Variants in BICC1 observed in about 807,000 individuals in gnomAD.
The protein encoded by BICC1 is BicC family RNA binding protein 1.
A neutral mutation model predicts 111.0 loss-of-function variants in BICC1; 43 were observed. That is an observed-to-expected ratio of 0.39 (90% CI 0.30 to 0.50). The LOEUF (loss-of-function observed/expected upper bound fraction) is 0.50. Ranked by LOEUF, BICC1 falls within the 20% of genes least tolerant of loss-of-function variation. The pLI is 0.88. For missense variants in BICC1, 1,091 were observed against 1,203.2 expected (o/e 0.91, Z 1.38); for synonymous variants, 467 against 434.4 (o/e 1.07, Z -0.93).
In BICC1 at chr10:58,513,053, C is replaced by G. The variant is rs1480452495; in HGVS notation, c.-91C>G. The G allele has an allele frequency of 9.6e-7, 1 of 1,044,962 alleles. No individual in the cohort carries two copies. Among genetic ancestry groups the G allele is most frequent in the African/African-American group, 1.7e-5 (1 of 59,206 alleles). 64.7% of individuals were successfully genotyped at this position (1,044,962 alleles called of 1,614,324 possible). ...AGGGGGACGAGCTAGCGCCGCGGCG[C>G]TGGGAGCCAGTTGAGCCCGGCCGGC... is the stretch of plus-strand genomic sequence containing the variant. On this transcript the variant is annotated 5_prime_UTR_variant, in exon 1 of 21. Coordinates refer to ENST00000373886, the MANE Select transcript of BICC1 (RefSeq NM_001080512.3).
rs1313423047 is a variant in BICC1 at position 58,786,934 on chromosome 10, C to T, written c.399C>T (p.Val133=). 1.3e-6 allele frequency: 2 copies of T among 1,582,064 alleles called. No homozygotes were observed. The highest frequency in any genetic ancestry group is 4.7e-5 in the East Asian group (2 of 42,998). The change falls in exon 5 of 21, where the codon GTC becomes GTT. Residue 133 remains valine (V), a synonymous_variant. Transcript: ENST00000373886. ...TTATTTTCACATAGAGCAATCGAGT[C>T]ACACTGAAGATGGATGTTTCACATA... ...MSVLDTKSNR[V]TLKMDVSHTE... is the part of the protein sequence containing the mutation.
chr10:58,659,901 GTTATTA>G lies in BICC1; in HGVS notation c.237+39008_237+39013del, dbSNP rs549139278. 1.8e-4 allele frequency among the ~76,000 whole-genome samples: 27 copies of G among 152,256 alleles called. No individual in the cohort carries two copies. In the East Asian group the frequency reaches 2.5e-3, roughly 14 times the overall value. Reference sequence around the variant, plus strand: ...GCAACAAAGTAACAGTACTAATACTGTTATTATTATTATACTGTGCTGACATGTAGT... The same window carrying G: ...GCAACAAAGTAACAGTACTAATACTGTTATTATACTGTGCTGACATGTAGT... On this transcript the variant is annotated intron_variant, in intron 2 of 20. Coordinates refer to ENST00000373886, the MANE Select transcript of BICC1 (RefSeq NM_001080512.3).
chr10:58,828,511 T>C (rs1441032976), intron 20 of BICC1, among the ~76,000 whole-genome samples: 1 of 152,196 alleles, frequency 6.6e-6, no homozygotes, highest in Admixed American at 6.5e-5. Flanking sequence ...CTGTCAGGAG[T>C]TTATGAGTTG....
chr10:58,739,853 G>A (rs1038561949), intron 3 of BICC1, among the ~76,000 whole-genome samples: 29 of 152,080 alleles, frequency 1.9e-4, no homozygotes, highest in African/African-American at 7.0e-4. Context: ...TAGATGAATG[G>A]CTTATATCTC....
intron 8 of BICC1, among the ~76,000 whole-genome samples, chr10:58,790,357 C>T (rs934166868): frequency 1.3e-5 from 2 of 151,882 alleles, no homozygotes; most frequent in African/African-American, 4.8e-5. Flanking sequence ...CAAATTTTGT[C>T]AGCCCAAAAC....
chr10:58,638,973 A>C (rs1838038072), intron 2 of BICC1, among the ~76,000 whole-genome samples: 1 of 150,858 alleles, frequency 6.6e-6, no homozygotes, highest in Non-Finnish European at 1.5e-5. Flanking sequence ...ACAAATAAAA[A>C]TTGTATATAT....
At chr10:58,619,093 G>A (rs1845714439) in intron 1 of BICC1, among the ~76,000 whole-genome samples, 1 of 151,958 alleles carries the variant, frequency 6.6e-6, no homozygotes, top group Non-Finnish European at 1.5e-5. Context: ...GATTACATTG[G>A]GCCCATCTGG....
chr10:58,628,386 G>C (rs1015066591), intron 2 of BICC1, among the ~76,000 whole-genome samples: 1 of 152,128 alleles, frequency 6.6e-6, no homozygotes, highest in African/African-American at 2.4e-5. Flanking sequence ...GACAGAACAA[G>C]TTTCAGATCA....
intron 3 of BICC1, among the ~76,000 whole-genome samples, chr10:58,719,076 A>T (rs1840855545): frequency 6.6e-6 from 1 of 152,030 alleles, no homozygotes; most frequent in Non-Finnish European, 1.5e-5. Context: ...CTTTGTCTCC[A>T]TTTCTAGAAT....
chr10:58,830,247 T>G lies in BICC1; in HGVS notation c.*1356T>G, dbSNP rs1844517968. The stretch of plus-strand genomic sequence containing the variant: ...CAGGCAACATTGTTTCCTGGGTCTT[T>G]TCAGAGATCTTATAGATTTATGAAG... On this transcript the variant is annotated 3_prime_UTR_variant, in exon 21 of 21. Transcript: ENST00000373886. The G allele has an allele frequency of 6.6e-6, 1 of 152,176 alleles. No individual in the cohort carries two copies. The highest frequency in any genetic ancestry group is 1.5e-5 in the Non-Finnish European group (1 of 68,022). 9.4% of individuals were successfully genotyped at this position (152,176 alleles called of 1,614,324 possible). A position where few individuals can be genotyped will look rare whatever the true frequency, so the allele number is the denominator to read the frequency against.
At chr10:58,648,402 C>A in intron 2 of BICC1, 1 of 495,878 alleles carries the variant, frequency 2.0e-6, no homozygotes, top group Non-Finnish European at 2.6e-6. Context: ...TCTCTCTGTC[C>A]TTTGCCAGAG....
intron 1 of BICC1, among the ~76,000 whole-genome samples, chr10:58,599,332 G>A (rs577338334): frequency 7.9e-5 from 12 of 152,270 alleles, no homozygotes; most frequent in South Asian, 4.1e-4. Flanking sequence ...AAATAGGGAC[G>A]AGTTCATTTC....
At chr10:58,734,280 C>T (rs1346840109) in intron 3 of BICC1, among the ~76,000 whole-genome samples, 2 of 152,190 alleles carry the variant, frequency 1.3e-5, no homozygotes, top group Non-Finnish European at 2.9e-5. Context: ...AGTCTGTGAT[C>T]ATTATGATAA....
At chr10:58,546,458 C>G (rs988137556) in intron 1 of BICC1, among the ~76,000 whole-genome samples, 7 of 152,154 alleles carry the variant, frequency 4.6e-5, no homozygotes, top group African/African-American at 1.7e-4. Context: ...ATTGTGACAA[C>G]TAGTTCAGAT....
At chr10:58,571,373 C>T (rs748483341) in intron 1 of BICC1, among the ~76,000 whole-genome samples, 5 of 152,048 alleles carry the variant, frequency 3.3e-5, no homozygotes, top group Non-Finnish European at 7.4e-5. Context: ...GTGCAGGATG[C>T]ACAGGTTTGT....
chr10:58,697,649 CT>C (rs1840102364), intron 2 of BICC1, among the ~76,000 whole-genome samples: 2 of 152,172 alleles, frequency 1.3e-5, no homozygotes, highest in African/African-American at 4.8e-5. Flanking sequence ...TTTTGCATAG[CT>C]TGTGGATACA....
At chr10:58,775,151 T>A (rs1314716670) in intron 3 of BICC1, among the ~76,000 whole-genome samples, 5 of 152,116 alleles carry the variant, frequency 3.3e-5, no homozygotes, top group African/African-American at 1.2e-4. Flanking sequence ...GCTGGGAGGA[T>A]CACTTAAGGC....
At chr10:58,568,298 A>G (rs1213804066) in intron 1 of BICC1, among the ~76,000 whole-genome samples, 1 of 152,106 alleles carries the variant, frequency 6.6e-6, no homozygotes, top group Non-Finnish European at 1.5e-5. Flanking sequence ...CCTGACTGAC[A>G]GATGCCAAGT....
chr10:58,581,551 G>A (rs1844280325), intron 1 of BICC1, among the ~76,000 whole-genome samples: 1 of 152,308 alleles, frequency 6.6e-6, no homozygotes, highest in Non-Finnish European at 1.5e-5. Context: ...ATAGACTGAT[G>A]TGAGATGTTA....
Sources: allele counts gnomAD v4.1 joint callset (sites outside exome capture counted in the v4.1 genomes callset), GRCh38; gene constraint gnomAD v4.1.1; transcripts MANE v1.5; gene names NCBI Gene and HGNC (gene_info 2026-07-23, HGNC 2026-07-21).